GPR149: variants seen among roughly 807,000 people sequenced by gnomAD.
GPR149 encodes probable G protein-coupled receptor 149.
GPR149 carries 50 observed loss-of-function variants against 50.2 expected under a neutral mutation model. That is an observed-to-expected ratio of 1.00 (90% CI 0.79 to 1.26). GPR149 has a LOEUF of 1.26. Among genes scored for constraint, GPR149 ranks in the 50% most tolerant of loss-of-function variants. The pLI is 0.00. For missense variants in GPR149, 983 were observed against 895.4 expected (o/e 1.10, Z -1.25); for synonymous variants, 405 against 358.2 (o/e 1.13, Z -1.48).
In GPR149 at chr3:154,429,668, A is replaced by T. The variant is rs1360035081; in HGVS notation, c.-53T>A. 2 of 1,485,076 alleles carry T rather than the reference A, an allele frequency of 1.3e-6. No individual in the cohort carries two copies. Among genetic ancestry groups the T allele is most frequent in the East Asian group, 2.3e-5 (1 of 44,152 alleles). The allele number at this position is 1,485,076 out of a possible 1,614,324, so 92.0% of individuals were successfully genotyped here. A position where few individuals can be genotyped will look rare whatever the true frequency, so the allele number is the denominator to read the frequency against. Reference sequence around the variant, plus strand: ...TATCAATGAGTCTGATAATTTTCTCAAAAGAAAGACCGGCTGCTGCAAATC... The same window carrying T: ...TATCAATGAGTCTGATAATTTTCTCTAAAGAAAGACCGGCTGCTGCAAATC... On this transcript the variant is annotated 5_prime_UTR_variant, in exon 1 of 4. An upstream open reading frame in the 5' UTR gains an earlier in-frame stop. Transcript: ENST00000389740.
At chr3:154,374,801 G>T (rs1447831576) in intron 3 of GPR149, among the ~76,000 whole-genome samples, 2 of 152,120 alleles carry the variant, frequency 1.3e-5, no homozygotes, top group African/African-American at 4.8e-5. Context: ...TAGTGAGGCA[G>T]CCTTTGGTCC....
intron 3 of GPR149, among the ~76,000 whole-genome samples, chr3:154,396,658 A>G (rs1389597990): frequency 6.6e-6 from 1 of 152,034 alleles, no homozygotes; most frequent in African/African-American, 2.4e-5. Flanking sequence ...ATAAAGCTTG[A>G]TATCAACAAA....
At chr3:154,364,198 T>C (rs1357849976) in intron 3 of GPR149, among the ~76,000 whole-genome samples, 1 of 152,192 alleles carries the variant, frequency 6.6e-6, no homozygotes, top group Non-Finnish European at 1.5e-5. Context: ...ATCCCATTCA[T>C]GAGGGCAGAA....
Position 154,427,515 on chromosome 3 carries a change from C to T in GPR149, c.1174+1G>A. The T allele has an allele frequency of 1.9e-6, 3 of 1,603,334 alleles. No individual in the cohort carries two copies. On this transcript the variant is annotated splice_donor_variant, in intron 2 of 3. Coordinates refer to ENST00000389740, the MANE Select transcript of GPR149 (RefSeq NM_001038705.3). LOFTEE classifies it high-confidence loss of function. ...CAATCACTGCAGTGTTGAGGACTTA[C>T]TTTTTTTCCCATCGGACGCCACTGC...
intron 3 of GPR149, among the ~76,000 whole-genome samples, chr3:154,418,000 C>T (rs572885741): frequency 1.1e-3 from 162 of 151,054 alleles, no homozygotes; most frequent in African/African-American, 3.5e-3. Flanking sequence ...AAAAAGTGGG[C>T]GAAGGACATG....
intron 3 of GPR149, chr3:154,354,122 G>A: frequency 2.0e-6 from 1 of 497,590 alleles, no homozygotes; most frequent in Non-Finnish European, 3.9e-6. Flanking sequence ...TCTCCATTTA[G>A]CTTCTCTTTC....
At chr3:154,358,869 G>T (rs1482408248) in intron 3 of GPR149, among the ~76,000 whole-genome samples, 1 of 152,040 alleles carries the variant, frequency 6.6e-6, no homozygotes, top group Non-Finnish European at 1.5e-5. Context: ...TTGTGCATGG[G>T]TGTTTGTATA....
At chr3:154,385,332 G>T (rs2108408993) in intron 3 of GPR149, among the ~76,000 whole-genome samples, 1 of 152,310 alleles carries the variant, frequency 6.6e-6, no homozygotes, top group Non-Finnish European at 1.5e-5. Context: ...TGTACCGGTT[G>T]TGAACAATAA....
At chr3:154,369,547 C>A (rs1349236602) in intron 3 of GPR149, among the ~76,000 whole-genome samples, 1 of 152,180 alleles carries the variant, frequency 6.6e-6, no homozygotes, top group African/African-American at 2.4e-5. Context: ...TCCGGTCCCA[C>A]CGAAGTGTTA....
chr3:154,417,435 T>C (rs1315383364), intron 3 of GPR149, among the ~76,000 whole-genome samples: 1 of 151,908 alleles, frequency 6.6e-6, no homozygotes, highest in Non-Finnish European at 1.5e-5. Flanking sequence ...TCCAAGAAAA[T>C]ATTCTGAAAA....
intron 3 of GPR149, among the ~76,000 whole-genome samples, chr3:154,384,915 A>G (rs1360559342): frequency 6.6e-6 from 1 of 152,228 alleles, no homozygotes; most frequent in Non-Finnish European, 1.5e-5. Context: ...CAAAATACGA[A>G]TCATTGCTGC....
At chr3:154,345,173 C>T (rs1458769137) in intron 3 of GPR149, among the ~76,000 whole-genome samples, 3 of 152,166 alleles carry the variant, frequency 2.0e-5, no homozygotes, top group Non-Finnish European at 4.4e-5. Flanking sequence ...AAATTGGCAA[C>T]ACTGACCTTA....
chr3:154,354,516 A>G (rs1714169700), intron 3 of GPR149, among the ~76,000 whole-genome samples: 1 of 150,516 alleles, frequency 6.6e-6, no homozygotes, highest in African/African-American at 2.4e-5. Flanking sequence ...TTACCTGTGC[A>G]TTTTCCAGCA....
intron 3 of GPR149, among the ~76,000 whole-genome samples, chr3:154,371,388 G>A (rs1469042784): frequency 1.3e-5 from 2 of 152,102 alleles, no homozygotes; most frequent in Admixed American, 6.6e-5. Context: ...CTGAACAGGA[G>A]TTACAAAGTC....
intron 3 of GPR149, among the ~76,000 whole-genome samples, chr3:154,408,760 G>A (rs541226663): frequency 3.9e-5 from 6 of 152,256 alleles, no homozygotes; most frequent in African/African-American, 9.6e-5. Flanking sequence ...CTTGGTAGTC[G>A]AAGGCAAAAG....
chr3:154,385,485 A>G (rs1422822012), intron 3 of GPR149, among the ~76,000 whole-genome samples: 1 of 152,168 alleles, frequency 6.6e-6, no homozygotes, highest in African/African-American at 2.4e-5. Context: ...GGGCAAAAAG[A>G]GTTGAAAGTG....
chr3:154,357,589 G>A (rs905171395), intron 3 of GPR149, among the ~76,000 whole-genome samples: 1 of 152,142 alleles, frequency 6.6e-6, no homozygotes, highest in Non-Finnish European at 1.5e-5. Context: ...ACCACAATGA[G>A]ATACCATCTC....
Position 154,336,175 on chromosome 3 carries a change from C to A in GPR149, c.*1524G>T, listed in dbSNP as rs1403007589. On this transcript the variant is annotated 3_prime_UTR_variant, in exon 4 of 4. Coordinates refer to ENST00000389740, the MANE Select transcript of GPR149 (RefSeq NM_001038705.3). ...TATTAGTGGTAATACATATGTTTCCCAAATTTAGATAACTAGATATTGAGA... is the reference window on the plus strand; with the variant it reads ...TATTAGTGGTAATACATATGTTTCCAAAATTTAGATAACTAGATATTGAGA... 2 of 151,852 alleles carry A rather than the reference C, an allele frequency of 1.3e-5. No individual in the cohort carries two copies. The highest frequency in any genetic ancestry group is 4.8e-5 in the African/African-American group (2 of 41,360). The allele number at this position is 151,852 out of a possible 1,614,324, so 9.4% of individuals were successfully genotyped here. A position where few individuals can be genotyped will look rare whatever the true frequency, so the allele number is the denominator to read the frequency against.
chr3:154,338,655 G>A (rs1469588493), intron 3 of GPR149, among the ~76,000 whole-genome samples: 1 of 152,096 alleles, frequency 6.6e-6, no homozygotes, highest in South Asian at 2.1e-4. Context: ...ACATTAAAAC[G>A]TTTGCAAAAG....
Sources: allele counts gnomAD v4.1 joint callset (sites outside exome capture counted in the v4.1 genomes callset), GRCh38; gene constraint gnomAD v4.1.1; transcripts MANE v1.5; gene names NCBI Gene and HGNC (gene_info 2026-07-23, HGNC 2026-07-21).